The following ADAMTS16 variants were observed in gnomAD, a reference collection of about 807,000 sequenced individuals.
ADAMTS16 encodes the protein ADAM metallopeptidase with thrombospondin type 1 motif 16, also known as A disintegrin and metalloproteinase with thrombospondin motifs 16.
A neutral mutation model predicts 145.8 loss-of-function variants in ADAMTS16; 94 were observed. The observed-to-expected ratio is 0.64, with a 90% CI of 0.55 to 0.77. The LOEUF (loss-of-function observed/expected upper bound fraction) is 0.77, where lower values mean the gene tolerates loss of function less well. ADAMTS16 is among the 30% of genes least tolerant of loss of function. The pLI is 0.00. For synonymous variants in ADAMTS16, 659 were observed against 604.3 expected (o/e 1.09, Z -1.33); for missense variants, 1,585 against 1,591.5 (o/e 1.00, Z 0.07).
rs1006056985 is a variant in ADAMTS16, at chr5:5,148,279, C to T, written c.501+1824C>T. Among the ~76,000 whole-genome samples the T allele has an allele frequency of 3.4e-4, 51 of 152,236 alleles. No individual in the cohort carries two copies. In the South Asian group the frequency reaches 9.5e-3, roughly 28 times the overall value. On this transcript the variant is annotated intron_variant, in intron 3 of 22. Transcript: ENST00000274181. Reference sequence around the variant, plus strand: ...TTAAGAGTGTGAGGCTTAGTGTTTTCGTCATAAGACAGGACAAATCAAAGG... The same window carrying T: ...TTAAGAGTGTGAGGCTTAGTGTTTTTGTCATAAGACAGGACAAATCAAAGG...
At chr5:5,265,720 A>G (rs372943326) in intron 18 of ADAMTS16, among the ~76,000 whole-genome samples, 1 of 152,200 alleles carries the variant, frequency 6.6e-6, no homozygotes, top group African/African-American at 2.4e-5. Flanking sequence ...AACATTGTCA[A>G]CTGCTGCACC....
chr5:5,225,418 C>A (rs1736731638), intron 11 of ADAMTS16, among the ~76,000 whole-genome samples: 1 of 152,162 alleles, frequency 6.6e-6, no homozygotes, highest in Admixed American at 6.5e-5. Context: ...TCCTGGCCAA[C>A]ACGGTGAAAC....
chr5:5,228,508 T>G (rs972808533), intron 11 of ADAMTS16, among the ~76,000 whole-genome samples: 2 of 152,120 alleles, frequency 1.3e-5, no homozygotes, highest in Admixed American at 1.3e-4. Context: ...TCTTTAAAAT[T>G]AAAATTTTTA....
At chr5:5,288,360 G>A (rs760756939) in intron 18 of ADAMTS16, among the ~76,000 whole-genome samples, 6 of 152,162 alleles carry the variant, frequency 3.9e-5, no homozygotes, top group South Asian at 4.1e-4. Flanking sequence ...TGTTAGACAC[G>A]TAGGCTTTCC....
At chr5:5,279,033 G>A (rs1229282770) in intron 18 of ADAMTS16, among the ~76,000 whole-genome samples, 1 of 152,122 alleles carries the variant, frequency 6.6e-6, no homozygotes, top group African/African-American at 2.4e-5. Flanking sequence ...GTTAGGAGGA[G>A]GTGAGCATGT....
chr5:5,256,128 C>T (rs930111399), intron 17 of ADAMTS16, among the ~76,000 whole-genome samples: 1 of 152,144 alleles, frequency 6.6e-6, no homozygotes, highest in Non-Finnish European at 1.5e-5. Flanking sequence ...TATATACTTA[C>T]CTTATGTGCT....
At chr5:5,215,357 C>A (rs1374900837) in intron 10 of ADAMTS16, among the ~76,000 whole-genome samples, 1 of 151,882 alleles carries the variant, frequency 6.6e-6, no homozygotes, top group Non-Finnish European at 1.5e-5. Flanking sequence ...TCTTTTTTTC[C>A]ATAAGTCATT....
chr5:5,143,840 T>A (rs889343930), intron 2 of ADAMTS16, among the ~76,000 whole-genome samples: 2 of 152,118 alleles, frequency 1.3e-5, no homozygotes, highest in Non-Finnish European at 1.5e-5. Context: ...GGGACATGGA[T>A]GAAGCTGGAA....
intron 17 of ADAMTS16, among the ~76,000 whole-genome samples, chr5:5,253,587 C>T (rs1737692447): frequency 6.6e-6 from 1 of 152,112 alleles, no homozygotes. Context: ...TTTTGAGGTC[C>T]CAAGATTTAT....
intron 17 of ADAMTS16, among the ~76,000 whole-genome samples, chr5:5,256,299 T>C (rs1370307957): frequency 1.3e-5 from 2 of 152,212 alleles, no homozygotes; most frequent in Non-Finnish European, 2.9e-5. Context: ...CAATATGCAC[T>C]GCTGTGCTGC....
chr5:5,195,528 C>T (rs1735778430), intron 8 of ADAMTS16, among the ~76,000 whole-genome samples: 1 of 152,156 alleles, frequency 6.6e-6, no homozygotes, highest in Non-Finnish European at 1.5e-5. Context: ...TCTGCAAAAA[C>T]AATAGAGCAC....
intron 8 of ADAMTS16, 26 bp from the exon 9 acceptor site, chr5:5,200,106 C>A: frequency 9.7e-7 from 1 of 1,034,452 alleles, no homozygotes; most frequent in Non-Finnish European, 1.3e-6. Flanking sequence ...CTGAAAGAAC[C>A]ATCTCTCTCT....
At chr5:5,307,637 G>A (rs61614310) in intron 21 of ADAMTS16, among the ~76,000 whole-genome samples, 44,841 of 152,030 alleles carry the variant, frequency 0.29, 6,828 homozygotes, top group Middle Eastern at 0.36. Context: ...GCTAGCCACC[G>A]TGGAGAGCCC....
chr5:5,266,464 C>T (rs1039016700), intron 18 of ADAMTS16, among the ~76,000 whole-genome samples: 11 of 152,242 alleles, frequency 7.2e-5, no homozygotes, highest in Admixed American at 5.9e-4. Context: ...TTCCCTAGGA[C>T]GGGCCTCCGC....
intron 9 of ADAMTS16, among the ~76,000 whole-genome samples, chr5:5,201,083 C>T (rs1735941158): frequency 6.6e-6 from 1 of 152,172 alleles, no homozygotes; most frequent in African/African-American, 2.4e-5. Context: ...GTCTCTGCTC[C>T]ACACAGTCAT....
At chr5:5,180,836 C>T (rs956285922) in intron 3 of ADAMTS16, among the ~76,000 whole-genome samples, 3 of 152,086 alleles carry the variant, frequency 2.0e-5, no homozygotes, top group Non-Finnish European at 2.9e-5. Flanking sequence ...TTTCCTCACC[C>T]ATAAAAAGGG....
chr5:5,232,947 A>G (rs1736980961), intron 12 of ADAMTS16, among the ~76,000 whole-genome samples: 1 of 152,144 alleles, frequency 6.6e-6, no homozygotes, highest in Non-Finnish European at 1.5e-5. Flanking sequence ...AATCGTAAGA[A>G]GCACTGAATA....
At chr5:5,141,859 A>AGG (rs1017362507) in intron 2 of ADAMTS16, among the ~76,000 whole-genome samples, 1 of 150,424 alleles carries the variant, frequency 6.6e-6, no homozygotes, top group Non-Finnish European at 1.5e-5. Context: ...GAGAACCACC[A>AGG]GGGGGCGCTA....
intron 11 of ADAMTS16, among the ~76,000 whole-genome samples, chr5:5,224,206 C>A (rs901196529): frequency 3.3e-5 from 5 of 151,858 alleles, no homozygotes; most frequent in African/African-American, 1.2e-4. Context: ...TCATTGAATT[C>A]TTCTAATTCA....
Sources: allele counts gnomAD v4.1 joint callset (sites outside exome capture counted in the v4.1 genomes callset), GRCh38; gene constraint gnomAD v4.1.1; transcripts MANE v1.5; gene names NCBI Gene and HGNC (gene_info 2026-07-23, HGNC 2026-07-21).